The following CCNJL variants were observed in gnomAD, a reference collection of about 807,000 sequenced individuals.
CCNJL encodes the protein cyclin J like.
A neutral mutation model predicts 33.4 loss-of-function variants in CCNJL; 33 were observed. That is an observed-to-expected ratio of 0.99 (90% CI 0.75 to 1.32). The LOEUF is 1.32. Among genes scored for constraint, CCNJL ranks in the 40% most tolerant of loss-of-function variants. The pLI is 0.00. For synonymous variants in CCNJL, 227 were observed against 220.9 expected, an observed-to-expected ratio of 1.03 and a Z score of -0.24; for missense variants, 512 against 499.7, an observed-to-expected ratio of 1.02 and a Z score of -0.23.
intron 2 of CCNJL, among the ~76,000 whole-genome samples, chr5:160,306,308 T>G (rs1763096554): frequency 6.8e-6 from 1 of 147,728 alleles, no homozygotes; most frequent in African/African-American, 2.5e-5. Context: ...CTCACAGAGC[T>G]GAAGTCCTCT....
intron 2 of CCNJL, among the ~76,000 whole-genome samples, chr5:160,282,992 T>C (rs1394097738): frequency 8.3e-5 from 5 of 60,270 alleles, no homozygotes; most frequent in Admixed American, 1.7e-4. Flanking sequence ...TATATATATA[T>C]ATATATATAT....
chr5:160,337,711 C>T (rs1763700163), intron 1 of CCNJL, among the ~76,000 whole-genome samples: 2 of 152,156 alleles, frequency 1.3e-5, no homozygotes, highest in South Asian at 4.1e-4. Flanking sequence ...GATTTGTAGG[C>T]ATGAATTGAA....
Position 160,253,436 on chromosome 5 carries a change from T to C in CCNJL, c.1106A>G (p.Tyr369Cys). ...GCTCCCACTGAAGTAGCTGCTTCCA[T>C]AGGTGGTGGCGAGGCAGTGCCTGGG... ...AEPRHCLATT[Y>C]GSSYFSGSHM... Residue 369 changes from tyrosine to cysteine, a missense_variant, in exon 6 of 6, where the codon TAT becomes TGT. By Grantham distance (194) the Tyr-to-Cys change is radical (BLOSUM62 -2). Coordinates refer to ENST00000257536, the MANE Select transcript of CCNJL (RefSeq NM_001308173.3). 5.0e-6 allele frequency: 8 copies of C among 1,609,720 alleles called. No individual in the cohort carries two copies. The highest frequency in any genetic ancestry group is 4.5e-5 in the East Asian group (2 of 44,770).
At chr5:160,288,109 T>TTTA (rs920524330) in intron 2 of CCNJL, among the ~76,000 whole-genome samples, 6 of 152,030 alleles carry the variant, frequency 3.9e-5, no homozygotes, top group Non-Finnish European at 8.8e-5. Context: ...ATCACAGTCC[T>TTTA]TTATTATTAT....
At chr5:160,305,803 G>A (rs1763077831) in intron 2 of CCNJL, among the ~76,000 whole-genome samples, 1 of 152,146 alleles carries the variant, frequency 6.6e-6, no homozygotes, top group Non-Finnish European at 1.5e-5. Context: ...GCCAAAGTGA[G>A]GAGTAAATAA....
chr5:160,321,080 TTCTTTC>T, intron 1 of CCNJL, among the ~76,000 whole-genome samples: 1 of 97,958 alleles, frequency 1.0e-5, no homozygotes, highest in South Asian at 3.0e-4. Context: ...CTTTCTTTCT[TTCTTTC>T]TTTCCTTCTC....
intron 2 of CCNJL, among the ~76,000 whole-genome samples, chr5:160,303,388 T>C (rs1292284112): frequency 6.6e-6 from 1 of 152,086 alleles, no homozygotes; most frequent in African/African-American, 2.4e-5. Flanking sequence ...GTAGTTTTAG[T>C]AGAGACAGGG....
chr5:160,332,787 C>CTTT (rs576263690), intron 1 of CCNJL, among the ~76,000 whole-genome samples: 2 of 149,978 alleles, frequency 1.3e-5, no homozygotes, highest in Non-Finnish European at 3.0e-5. Context: ...GTCTTCTCTG[C>CTTT]TTTTTTTTTT....
At chr5:160,265,913 G>C (rs1249237476) in intron 3 of CCNJL, among the ~76,000 whole-genome samples, 2 of 150,950 alleles carry the variant, frequency 1.3e-5, no homozygotes, top group East Asian at 1.9e-4. Context: ...AACAAGCAAA[G>C]CTATTCTTCC....
At chr5:160,256,864 G>A (rs1761086306) in intron 4 of CCNJL, among the ~76,000 whole-genome samples, 1 of 151,818 alleles carries the variant, frequency 6.6e-6, no homozygotes, top group Non-Finnish European at 1.5e-5. Flanking sequence ...GTTGCAGTGA[G>A]CTGAGATCGA....
intron 3 of CCNJL, among the ~76,000 whole-genome samples, chr5:160,267,720 T>G (rs753869592): frequency 1.3e-5 from 2 of 152,114 alleles, no homozygotes; most frequent in Admixed American, 6.5e-5. Flanking sequence ...TTTGAAAAAA[T>G]TTTTAAAAAT....
chr5:160,258,162 T>TA (rs1295956789), intron 4 of CCNJL: 1 of 435,256 alleles, frequency 2.3e-6, no homozygotes, highest in African/African-American at 2.0e-5. Flanking sequence ...TTGATCTGGA[T>TA]ACTCATGCCC....
At chr5:160,328,637 C>T (rs925290314) in intron 1 of CCNJL, among the ~76,000 whole-genome samples, 2 of 150,648 alleles carry the variant, frequency 1.3e-5, no homozygotes, top group African/African-American at 4.9e-5. Context: ...CCTGTAATCC[C>T]AGCTCTTTGG....
Position 160,311,840 on chromosome 5 carries a change from G to C in CCNJL, c.66+18C>G. The C allele has an allele frequency of 6.2e-7, 1 of 1,611,104 alleles. No homozygotes were observed. Among genetic ancestry groups the C allele is most frequent in the Non-Finnish European group, 8.5e-7 (1 of 1,177,216 alleles). Reference sequence around the variant, plus strand: ...CTGTACCCAGTCTTGAGAGTGACAAGGGCAGGGAGGGACTGACCTTCTCGC... The same window carrying C: ...CTGTACCCAGTCTTGAGAGTGACAACGGCAGGGAGGGACTGACCTTCTCGC... On this transcript the variant is annotated intron_variant, in intron 2 of 5. Coordinates refer to ENST00000257536, the MANE Select transcript of CCNJL (RefSeq NM_001308173.3).
At chr5:160,277,573 A>T (rs760211154) in intron 3 of CCNJL, among the ~76,000 whole-genome samples, 1 of 152,134 alleles carries the variant, frequency 6.6e-6, no homozygotes, top group Non-Finnish European at 1.5e-5. Context: ...ATGAACTCTG[A>T]GGGAGAGAGG....
intron 2 of CCNJL, among the ~76,000 whole-genome samples, chr5:160,281,795 C>T (rs1314122910): frequency 2.0e-5 from 3 of 152,110 alleles, no homozygotes; most frequent in Non-Finnish European, 4.4e-5. Flanking sequence ...GGACTACAGG[C>T]ATTCATCACT....
At chr5:160,281,023 A>C in intron 2 of CCNJL, 1 of 483,336 alleles carries the variant, frequency 2.1e-6, no homozygotes, top group Non-Finnish European at 3.8e-6. Context: ...CAAGGCCATA[A>C]AGGAATAAAG....
chr5:160,321,997 G>C (rs928120793), intron 1 of CCNJL, among the ~76,000 whole-genome samples: 1 of 152,170 alleles, frequency 6.6e-6, no homozygotes, highest in Non-Finnish European at 1.5e-5. Context: ...GGCAGACCAG[G>C]TCAGAGCCTA....
intron 4 of CCNJL, 105 bp downstream of exon 4, chr5:160,259,364 G>T: frequency 1.0e-6 from 1 of 986,946 alleles, no homozygotes; most frequent in East Asian, 2.5e-5. Context: ...AGGCCCCAGT[G>T]AGAAGGCCTG....
Sources: gnomAD v4.1 joint callset for allele counts (sites outside exome capture counted in the v4.1 genomes callset) on GRCh38, gnomAD v4.1.1 for gene constraint, MANE v1.5 for transcripts, NCBI Gene and HGNC (gene_info 2026-07-23, HGNC 2026-07-21) for gene names.